FBN2: variants seen among roughly 807,000 people sequenced by gnomAD.
The protein encoded by FBN2 is fibrillin 2.
In FBN2, 105 loss-of-function variants were observed where a neutral mutation model predicts 355.6. The ratio of observed to expected loss-of-function variants is 0.30; its 90% CI spans 0.25 to 0.35. FBN2 has a LOEUF of 0.35. FBN2 is among the 10% of genes least tolerant of loss of function. FBN2 has a pLI of 1.00. For missense variants in FBN2, 3,280 were observed against 3,758.7 expected, an observed-to-expected ratio of 0.87 and a Z score of 3.33; for synonymous variants, 1,350 against 1,301.2, an observed-to-expected ratio of 1.04 and a Z score of -0.81.
intron 7 of FBN2, among the ~76,000 whole-genome samples, chr5:128,433,484 T>C (rs935748503): frequency 2.0e-5 from 3 of 152,220 alleles, no homozygotes; most frequent in Non-Finnish European, 2.9e-5. Context: ...TTTTCTTCTA[T>C]GTAATAAAAC....
chr5:128,345,460 C>T lies in FBN2; in HGVS notation c.3114G>A (p.Glu1038=). The T allele has an allele frequency of 6.2e-7, 1 of 1,614,118 alleles. No individual in the cohort carries two copies. The highest frequency in any genetic ancestry group is 1.3e-5 in the African/African-American group (1 of 75,038). The part of the protein sequence containing the change: ...AVGAAWGTEC[E]ECPKPGTKEY... Reference sequence around the variant, plus strand: ...CCTTGGTGCCAGGTTTGGGGCACTCCTCACACTCGGTGCCCCAAGCCGCCC... The same window carrying T: ...CCTTGGTGCCAGGTTTGGGGCACTCTTCACACTCGGTGCCCCAAGCCGCCC... The change falls in exon 24 of 65, where the codon GAG becomes GAA. Residue 1038 remains glutamate (E), a synonymous_variant. Coordinates refer to ENST00000262464, the MANE Select transcript of FBN2 (RefSeq NM_001999.4).
chr5:128,287,095 T>G (rs1238386425), intron 54 of FBN2, among the ~76,000 whole-genome samples: 1 of 152,172 alleles, frequency 6.6e-6, no homozygotes, highest in Non-Finnish European at 1.5e-5. Flanking sequence ...GTGAGAATAG[T>G]GGGCTTCTCA....
At chr5:128,361,643 T>G (rs1354293832) in intron 19 of FBN2, 80 bp downstream of exon 19, 1 of 1,470,594 alleles carries the variant, frequency 6.8e-7, no homozygotes, top group African/African-American at 1.4e-5. Context: ...TTTCACTACA[T>G]TGCTTCATCA....
chr5:128,346,731 G>A (rs1382288657), intron 23 of FBN2, among the ~76,000 whole-genome samples: 1 of 152,130 alleles, frequency 6.6e-6, no homozygotes, highest in African/African-American at 2.4e-5. Context: ...CTGAGGTCAG[G>A]AGTTCGAGAC....
At position 128,509,323 on chromosome 5, in the gene FBN2, T is replaced by C. The variant is rs548377997; in HGVS notation, c.628+9950A>G. On this transcript the variant is annotated intron_variant, in intron 5 of 64. Coordinates refer to ENST00000262464, the MANE Select transcript of FBN2 (RefSeq NM_001999.4). ...ATTTCAAATAATTTCTGTTGCTATGTTTTCAGGCTCACTCGTCTTTTCGCC... is the reference window on the plus strand; with the variant it reads ...ATTTCAAATAATTTCTGTTGCTATGCTTTCAGGCTCACTCGTCTTTTCGCC... Among the ~76,000 whole-genome samples, 17 of 152,262 alleles carry C rather than the reference T, an allele frequency of 1.1e-4. No individual in the cohort carries two copies. In the South Asian group the frequency reaches 2.9e-3, roughly 26 times the overall value.
chr5:128,315,804 T>C (rs1750185468), intron 36 of FBN2, among the ~76,000 whole-genome samples: 2 of 152,208 alleles, frequency 1.3e-5, no homozygotes, highest in Non-Finnish European at 2.9e-5. Flanking sequence ...GTTCTTTCTA[T>C]TGACTAAGTG....
At chr5:128,436,708 G>A (rs1753777306) in intron 7 of FBN2, among the ~76,000 whole-genome samples, 1 of 151,926 alleles carries the variant, frequency 6.6e-6, no homozygotes, top group South Asian at 2.1e-4. Flanking sequence ...AATATTTGCG[G>A]TATCTTCGTT....
At chr5:128,334,509 C>T (rs1750781864) in intron 31 of FBN2, among the ~76,000 whole-genome samples, 2 of 152,154 alleles carry the variant, frequency 1.3e-5, no homozygotes, top group South Asian at 4.2e-4. Flanking sequence ...AGCCCACAGC[C>T]AGCCCCACGG....
At chr5:128,527,704 A>G (rs1756598487) in intron 4 of FBN2, among the ~76,000 whole-genome samples, 168 bp downstream of exon 4, 1 of 152,198 alleles carries the variant, frequency 6.6e-6, no homozygotes, top group Non-Finnish European at 1.5e-5. Flanking sequence ...TTCTAAAAGA[A>G]TTAGAAAAAT....
intron 62 of FBN2, among the ~76,000 whole-genome samples, chr5:128,269,372 G>T (rs1225635050): frequency 2.0e-5 from 3 of 150,730 alleles, no homozygotes; most frequent in African/African-American, 7.3e-5. Flanking sequence ...GGAGGAGGTG[G>T]AAGTTGCAGG....
chr5:128,442,766 T>A (rs1317374307), intron 7 of FBN2, among the ~76,000 whole-genome samples: 1 of 151,856 alleles, frequency 6.6e-6, no homozygotes, highest in Non-Finnish European at 1.5e-5. Context: ...ACACACCACA[T>A]ACATACATAC....
intron 8 of FBN2, among the ~76,000 whole-genome samples, chr5:128,395,730 T>C (rs1752633878): frequency 6.6e-6 from 1 of 152,164 alleles, no homozygotes; most frequent in Non-Finnish European, 1.5e-5. Context: ...GAGCAGCTTC[T>C]GAGGAAGAAG....
intron 39 of FBN2, among the ~76,000 whole-genome samples, chr5:128,310,681 G>T (rs780024759): frequency 6.6e-6 from 1 of 151,918 alleles, no homozygotes; most frequent in Non-Finnish European, 1.5e-5. Flanking sequence ...AAATAATTAC[G>T]CTACATGTTT....
intron 5 of FBN2, among the ~76,000 whole-genome samples, chr5:128,477,952 G>A (rs1755049546): frequency 6.6e-6 from 1 of 152,138 alleles, no homozygotes; most frequent in South Asian, 2.1e-4. Context: ...TTTATTCAAT[G>A]CTTCACTGGC....
At chr5:128,272,143 C>A (rs756522795) in intron 61 of FBN2, 25 bp from the exon 62 acceptor site, 5 of 1,613,640 alleles carry the variant, frequency 3.1e-6, no homozygotes, top group Admixed American at 1.7e-5. Context: ...CCGGCAAAAC[C>A]TTTATGTCAC....
intron 23 of FBN2, among the ~76,000 whole-genome samples, 189 bp from the exon 24 acceptor site, chr5:128,345,773 T>G (rs1751164299): frequency 6.6e-6 from 1 of 152,134 alleles, no homozygotes; most frequent in African/African-American, 2.4e-5. Context: ...AAAGGTGAGA[T>G]CCTCTTCAGT....
chr5:128,417,109 G>A (rs1753221527), intron 7 of FBN2, among the ~76,000 whole-genome samples: 2 of 151,922 alleles, frequency 1.3e-5, no homozygotes, highest in Non-Finnish European at 2.9e-5. Context: ...TATTGTTTTT[G>A]CAGCGATGGT....
At chr5:128,267,176 T>C (rs151062792) in intron 62 of FBN2, among the ~76,000 whole-genome samples, 1 of 152,226 alleles carries the variant, frequency 6.6e-6, no homozygotes, top group Non-Finnish European at 1.5e-5. Flanking sequence ...TATGGCTGCA[T>C]AGTATTCCAT....
At chr5:128,280,430 G>A in intron 55 of FBN2, 113 bp from the exon 56 acceptor site, 2 of 786,372 alleles carry the variant, frequency 2.5e-6, no homozygotes, top group Non-Finnish European at 4.3e-6. Flanking sequence ...ATACTAATAT[G>A]ATGAGATTAA....
Sources: gnomAD v4.1 joint callset for allele counts (sites outside exome capture counted in the v4.1 genomes callset) on GRCh38, gnomAD v4.1.1 for gene constraint, MANE v1.5 for transcripts, NCBI Gene and HGNC (gene_info 2026-07-23, HGNC 2026-07-21) for gene names.